Variants in SQSTM1 observed in about 807,000 individuals in gnomAD.
SQSTM1 encodes the protein sequestosome 1.
In SQSTM1, 36 loss-of-function variants were observed where a neutral mutation model predicts 45.1. The ratio of observed to expected loss-of-function variants is 0.80; its 90% confidence interval spans 0.61 to 1.05. The LOEUF (loss-of-function observed/expected upper bound fraction) is 1.05. SQSTM1 is among the 50% of genes least tolerant of loss of function. SQSTM1 has a pLI of 0.00. For missense variants in SQSTM1, 617 were observed against 607.1 expected, an observed-to-expected ratio of 1.02 and a Z score of -0.17; for synonymous variants, 290 against 244.3, an observed-to-expected ratio of 1.19 and a Z score of -1.74.
At chr5:179,836,409 C>T in intron 7 of SQSTM1, 27 bp from the exon 8 acceptor site, 1 of 1,614,174 alleles carries the variant, frequency 6.2e-7, no homozygotes, top group Non-Finnish European at 8.5e-7. Flanking sequence ...AGCACCACTC[C>T]TCATGGCTTC....
At chr5:179,809,436 A>G (rs1263958218) in intron 1 of SQSTM1, among the ~76,000 whole-genome samples, 1 of 144,096 alleles carries the variant, frequency 6.9e-6, no homozygotes, top group Admixed American at 7.3e-5. Context: ...TCCTGGATAC[A>G]AGCAATTCTG....
At chr5:179,818,579 C>T (rs951459974), upstream of SQSTM1, among the ~76,000 whole-genome samples, 19 of 152,286 alleles carry the variant, frequency 1.2e-4, no homozygotes, top group African/African-American at 4.1e-4. Context: ...GTGGCTGCCC[C>T]GGCTGGTCTC....
rs1159717598 is a variant in SQSTM1, at chr5:179,806,496, C to T, written c.-252C>T. The T allele has an allele frequency of 3.8e-6, 5 of 1,310,898 alleles. No individual in the cohort carries two copies. The highest frequency in any genetic ancestry group is 4.0e-6 in the Non-Finnish European group (4 of 1,004,246). 81.2% of individuals were successfully genotyped at this position (1,310,898 alleles called of 1,614,324 possible). On this transcript the variant is annotated 5_prime_UTR_variant, in exon 1 of 6. Transcript: ENST00000514093. This position sits in a 1 kb window ranked among gnomAD's most constrained non-coding sequence, Gnocchi z 4.6. Reference sequence around the variant, plus strand: ...CGGGGGTCGCGCTCACCTTTCTGGCCGCTGAGTGCCGCGTACCAGGACAGC... The same window carrying T: ...CGGGGGTCGCGCTCACCTTTCTGGCTGCTGAGTGCCGCGTACCAGGACAGC...
rs776124208 is a variant in SQSTM1 at position 179,837,154 on chromosome 5, T to C, written c.*561T>C. On this transcript the variant is annotated 3_prime_UTR_variant, in exon 8 of 8. Transcript: ENST00000389805. ...TGGTCTCTTCACCACTGTAGTTCTC[T>C]CATTTCCAAACCATCAGCTGCTTTT... 7.0e-7 allele frequency: 1 copy of C among 1,426,442 alleles called. No homozygotes were observed. The highest frequency in any genetic ancestry group is 1.4e-5 in the African/African-American group (1 of 70,988). 88.4% of individuals were successfully genotyped at this position (1,426,442 alleles called of 1,614,324 possible). A position where few individuals can be genotyped will look rare whatever the true frequency, so the allele number is the denominator to read the frequency against.
intron 2 of SQSTM1, chr5:179,812,878 C>T (rs974837095): frequency 2.6e-5 from 4 of 152,072 alleles, no homozygotes; most frequent in African/African-American, 9.7e-5. Context: ...CTTGACCAGG[C>T]CCAGCCATAG....
In SQSTM1 at chr5:179,833,741, C is replaced by T. The variant is rs753946383; in HGVS notation, c.1124C>T (p.Thr375Ile). 1 of 1,614,154 alleles carries T rather than the reference C, an allele frequency of 6.2e-7. No individual in the cohort carries two copies. Among genetic ancestry groups the T allele is most frequent in the East Asian group, 2.2e-5 (1 of 44,866 alleles). The change falls in exon 7 of 8, where the codon ACA becomes ATA. Residue 375 changes from threonine (T) to isoleucine (I), a missense_variant. Physicochemically the swap from Thr to Ile is moderately conservative, Grantham distance 89. Coordinates refer to ENST00000389805, the MANE Select transcript of SQSTM1 (RefSeq NM_003900.5). ...SSLDPSQEGP[T>I]GLKEAALYPH... ...CTGGACCCCTCCCAGGAGGGACCCA[C>T]AGGGCTGAAGGAAGCTGCCTTGTAC...
At chr5:179,831,805 G>C (rs1484181315) in intron 5 of SQSTM1, among the ~76,000 whole-genome samples, 2 of 145,572 alleles carry the variant, frequency 1.4e-5, no homozygotes, top group Admixed American at 1.4e-4. Context: ...TTTTTTTTGA[G>C]ATGGAGTCTT....
Position 179,837,748 on chromosome 5 carries a change from T to G in SQSTM1, c.*1155T>G. The G allele has an allele frequency of 6.2e-7, 1 of 1,614,242 alleles. No individual in the cohort carries two copies. The highest frequency in any genetic ancestry group is 8.5e-7 in the Non-Finnish European group (1 of 1,180,046). On this transcript the variant is annotated 3_prime_UTR_variant, in exon 8 of 8. Transcript: ENST00000389805. ...GGACAAATTGCGCCCATTTAGAGGATGTGGCTGTAACCTGCTGGATGGGAC... is the reference window on the plus strand; with the variant it reads ...GGACAAATTGCGCCCATTTAGAGGAGGTGGCTGTAACCTGCTGGATGGGAC...
Position 179,806,603 on chromosome 5 carries a change from G to T in SQSTM1, c.-157+12G>T. On this transcript the variant is annotated intron_variant, in intron 1 of 5. Coordinates refer to the SQSTM1 transcript ENST00000514093. The surrounding 1 kb of genome is among the most constrained non-coding windows in gnomAD (Gnocchi z 4.6). ...CCTCATCTCCTCGGGTGCGCGGCGG[G>T]CGCCCGCGGGGCCGAGGCTGCATGG... 1 of 1,222,098 alleles carries T rather than the reference G, an allele frequency of 8.2e-7. No homozygotes were observed. The allele number at this position is 1,222,098 out of a possible 1,614,324, so 75.7% of individuals were successfully genotyped here.
chr5:179,808,581 G>C (rs1428044333), intron 1 of SQSTM1, among the ~76,000 whole-genome samples: 1 of 152,146 alleles, frequency 6.6e-6, no homozygotes, highest in African/African-American at 2.4e-5. Flanking sequence ...ACTTTGTGAG[G>C]CCGAGGCAGG....
chr5:179,824,531 G>A (rs980285473), intron 4 of SQSTM1, among the ~76,000 whole-genome samples: 2 of 152,130 alleles, frequency 1.3e-5, no homozygotes, highest in Non-Finnish European at 2.9e-5. Context: ...AAGTGCCTGA[G>A]GCCACAAATT....
intron 5 of SQSTM1, among the ~76,000 whole-genome samples, chr5:179,826,072 G>A (rs976885618): frequency 6.6e-6 from 1 of 152,178 alleles, no homozygotes; most frequent in East Asian, 1.9e-4. Flanking sequence ...TTCAGTGTCT[G>A]AAAGAATGCT....
chr5:179,836,363 C>CAGCAGGGTATG, intron 7 of SQSTM1, 73 bp from the exon 8 acceptor site: 1 of 1,605,260 alleles, frequency 6.2e-7, no homozygotes, highest in Middle Eastern at 1.9e-4. Context: ...CTGGCCAAGG[C>CAGCAGGGTATG]AGCAGGGTAT....
chr5:179,816,637 C>G (rs948843806), upstream of SQSTM1, among the ~76,000 whole-genome samples: 2 of 152,258 alleles, frequency 1.3e-5, no homozygotes, highest in Admixed American at 6.5e-5. Context: ...ACCTCTCCCC[C>G]ACCTCGCTCC....
At chr5:179,829,818 A>G (rs957221633) in intron 5 of SQSTM1, among the ~76,000 whole-genome samples, 3 of 152,134 alleles carry the variant, frequency 2.0e-5, no homozygotes, top group African/African-American at 7.2e-5. Context: ...TCTTGGCACC[A>G]GGCATGGTGG....
At chr5:179,836,253 A>T in intron 7 of SQSTM1, 183 bp from the exon 8 acceptor site, 7 of 769,984 alleles carry the variant, frequency 9.1e-6, no homozygotes, top group Non-Finnish European at 1.5e-5. Flanking sequence ...GAGCAGTGTG[A>T]AAAAGACTGC....
At chr5:179,812,985 T>TCCC (rs55745084) in intron 2 of SQSTM1, 3 of 129,426 alleles carry the variant, frequency 2.3e-5, no homozygotes, top group African/African-American at 6.2e-5. Context: ...CAAAACATGG[T>TCCC]CCCCCCCCCC....
chr5:179,809,637 CTTTTTTT>C (rs1181470503), intron 1 of SQSTM1, among the ~76,000 whole-genome samples: 850 of 77,660 alleles, frequency 0.011, 13 homozygotes, highest in Non-Finnish European at 0.015. Context: ...GCGCCTGGCC[CTTTTTTT>C]TTTTTTTTTT....
At chr5:179,819,030 G>A (rs955670440), upstream of SQSTM1, 1 of 152,540 alleles carries the variant, frequency 6.6e-6, no homozygotes, top group Non-Finnish European at 1.5e-5. Context: ...CCCCAGCCCA[G>A]CCTCCAGGTA....
Sources: gnomAD v4.1 joint callset for allele counts (sites outside exome capture counted in the v4.1 genomes callset) on GRCh38, gnomAD v4.1.1 for gene constraint, Gnocchi (gnomAD v3.1) non-coding constraint, MANE v1.5 for transcripts, NCBI Gene and HGNC (gene_info 2026-07-23, HGNC 2026-07-21) for gene names.